The following CHD2 variants were observed in gnomAD, a reference collection of about 807,000 sequenced individuals.
CHD2 encodes chromodomain helicase DNA binding protein 2.
In CHD2, 28 loss-of-function variants were observed where a neutral mutation model predicts 243.9. The ratio of observed to expected loss-of-function variants is 0.11; its 90% CI spans 0.09 to 0.16. The LOEUF (loss-of-function observed/expected upper bound fraction) is 0.16. Among genes scored for constraint, CHD2 ranks in the 10% least tolerant of loss-of-function variants. The pLI is 1.00. For missense variants in CHD2, 1,386 were observed against 2,209.8 expected (o/e 0.63, Z 7.47); for synonymous variants, 775 against 779.0 (o/e 0.99, Z 0.09).
intron 4 of CHD2, among the ~76,000 whole-genome samples, chr15:92,927,621 A>AGCAAGAT (rs2053087751): frequency 1.3e-5 from 2 of 152,222 alleles, no homozygotes; most frequent in African/African-American, 4.8e-5. Context: ...AATTGATTAT[A>AGCAAGAT]TATAGCAAGA....
chr15:92,914,963 ACTGT>A (rs1489852604), intron 2 of CHD2: 2 of 152,216 alleles, frequency 1.3e-5, no homozygotes, highest in African/African-American at 4.8e-5. Context: ...GCCAGCTCAC[ACTGT>A]CTGTCTGGGG....
rs748404114 is a variant in CHD2, at chr15:93,000,482, T to C, written c.4009-30T>C. The C allele has an allele frequency of 9.4e-6, 15 of 1,593,828 alleles. No individual in the cohort carries two copies. The African/African-American group carries it at 1.8e-4, about 19-fold the overall frequency. ...ATGCTTTTGAGTGTCTTGATTTGTA[T>C]TTTAATCATCATTTTCTCTCCTTTT... is the stretch of plus-strand genomic sequence containing the variant. On this transcript the variant is annotated intron_variant, in intron 31 of 38. Coordinates refer to ENST00000394196, the MANE Select transcript of CHD2 (RefSeq NM_001271.4).
In CHD2 at chr15:93,024,879, C is replaced by T. The variant is rs1481813382; in HGVS notation, c.*174C>T. ...ATGGGAGGCCTTTCACTGGGTCCAGCTCTGATTCGGGTCACCACTCCTGCA... is the reference window on the plus strand; with the variant it reads ...ATGGGAGGCCTTTCACTGGGTCCAGTTCTGATTCGGGTCACCACTCCTGCA... On this transcript the variant is annotated 3_prime_UTR_variant, in exon 39 of 39. Coordinates refer to ENST00000394196, the MANE Select transcript of CHD2 (RefSeq NM_001271.4). 4.9e-6 allele frequency: 3 copies of T among 613,176 alleles called. No individual in the cohort carries two copies. The highest frequency in any genetic ancestry group is 8.4e-6 in the Non-Finnish European group (3 of 359,234). The allele number at this position is 613,176 out of a possible 1,614,324, so 38.0% of individuals were successfully genotyped here.
intron 4 of CHD2, among the ~76,000 whole-genome samples, chr15:92,927,871 G>A (rs1481321175): frequency 6.6e-6 from 1 of 152,168 alleles, no homozygotes; most frequent in Non-Finnish European, 1.5e-5. Context: ...GTGAGAGATT[G>A]ATCAGTGATT....
intron 3 of CHD2, 128 bp downstream of exon 3, chr15:92,924,680 A>G (rs1429776973): frequency 1.3e-5 from 9 of 716,344 alleles, no homozygotes; most frequent in Admixed American, 2.3e-5. Context: ...CTAGTAATAT[A>G]CAGTAGTATA....
At position 93,024,807 on chromosome 15, in the gene CHD2, G is replaced by A; in HGVS notation, c.*102G>A. ...ATCTAGACCAGTAAGTGGAGTTTTG[G>A]ACATGCTGCTGCTGTCAACTCACTG... On this transcript the variant is annotated 3_prime_UTR_variant, in exon 39 of 39. Coordinates refer to ENST00000394196, the MANE Select transcript of CHD2 (RefSeq NM_001271.4). 4.0e-6 allele frequency: 4 copies of A among 995,560 alleles called. No individual in the cohort carries two copies. In the South Asian group the frequency reaches 6.7e-5, roughly 17 times the overall value. 61.7% of individuals were successfully genotyped at this position (995,560 alleles called of 1,614,324 possible).
At chr15:92,934,580 A>G (rs1043258278) in intron 5 of CHD2, among the ~76,000 whole-genome samples, 3 of 152,190 alleles carry the variant, frequency 2.0e-5, no homozygotes, top group African/African-American at 7.2e-5. Flanking sequence ...TTTGCATTTT[A>G]TAAGAGGCCA....
intron 5 of CHD2, among the ~76,000 whole-genome samples, chr15:92,937,106 TC>T: frequency 6.6e-6 from 1 of 152,278 alleles, no homozygotes; most frequent in Admixed American, 6.5e-5. Flanking sequence ...CAAGTGAAAC[TC>T]CCACCTTGGC....
intron 35 of CHD2, 24 bp downstream of exon 35, chr15:93,009,347 C>G: frequency 6.2e-7 from 1 of 1,604,588 alleles, no homozygotes; most frequent in Non-Finnish European, 8.5e-7. Context: ...CCTCGTCTGC[C>G]CAGTTTGATT....
At chr15:92,983,828 C>T (rs573590567) in intron 24 of CHD2, among the ~76,000 whole-genome samples, 2 of 152,190 alleles carry the variant, frequency 1.3e-5, no homozygotes, top group African/African-American at 4.8e-5. Context: ...TATGAAATCA[C>T]CACACATCTT....
chr15:92,917,502 G>A (rs756988310), intron 2 of CHD2, among the ~76,000 whole-genome samples: 5 of 152,174 alleles, frequency 3.3e-5, no homozygotes, highest in African/African-American at 9.7e-5. Context: ...CGGAGGTTAC[G>A]GTGAGCCGAG....
At chr15:92,939,270 C>G (rs2141777829) in intron 6 of CHD2, among the ~76,000 whole-genome samples, 1 of 152,250 alleles carries the variant, frequency 6.6e-6, no homozygotes, top group Admixed American at 6.5e-5. Flanking sequence ...GAGATACTAT[C>G]ATGAACAACA....
intron 33 of CHD2, 72 bp from the exon 34 acceptor site, chr15:93,004,545 T>C: frequency 2.1e-6 from 3 of 1,416,144 alleles, no homozygotes; most frequent in Non-Finnish European, 2.8e-6. Flanking sequence ...TAACACAACA[T>C]AGGTAAGAAA....
chr15:93,010,427 T>G (rs1725543659), intron 35 of CHD2, among the ~76,000 whole-genome samples: 1 of 151,752 alleles, frequency 6.6e-6, no homozygotes, highest in Non-Finnish European at 1.5e-5. Flanking sequence ...TTTTTTTTTT[T>G]TTTTAAATGA....
intron 2 of CHD2, 63 bp downstream of exon 2, chr15:92,901,362 A>G (rs1349507904): frequency 1.8e-5 from 17 of 956,186 alleles, no homozygotes; most frequent in Admixed American, 4.1e-5. Flanking sequence ...TCAGCTTACA[A>G]TTGTTTACCT....
At chr15:92,999,079 G>A (rs1355059734) in intron 31 of CHD2, among the ~76,000 whole-genome samples, 7 of 67,096 alleles carry the variant, frequency 1.0e-4, no homozygotes, top group African/African-American at 2.0e-4. Flanking sequence ...GCGAGACTCC[G>A]TCTCAAAAAA....
chr15:93,001,631 C>G lies in CHD2; in HGVS notation c.4138-546C>G, dbSNP rs576175414. 6.8e-4 allele frequency among the ~76,000 whole-genome samples: 104 copies of G among 152,118 alleles called. 1 individual carries two copies. Among genetic ancestry groups the G allele is most frequent in the Middle Eastern group, 3.4e-3 (1 of 294 alleles). Reference sequence around the variant, plus strand: ...TCCTGGGTTCAAGTGATTCTCCTGCCGCAGCCTCCCAAATAGCTAGGATTA... The same window carrying G: ...TCCTGGGTTCAAGTGATTCTCCTGCGGCAGCCTCCCAAATAGCTAGGATTA... On this transcript the variant is annotated intron_variant, in intron 32 of 38. Transcript: ENST00000394196.
chr15:92,929,139 G>C, intron 5 of CHD2, 48 bp downstream of exon 5: 1 of 1,545,622 alleles, frequency 6.5e-7, no homozygotes, highest in Non-Finnish European at 8.8e-7. Context: ...TTTCAAACTT[G>C]TCAGCATTTC....
chr15:93,023,681 G>GT lies in CHD2; in HGVS notation c.5154-682dup, dbSNP rs1043758356. Reference sequence around the variant, plus strand: ...CTTATTTCCTGGGTTTTTTTTTTGTGTTTTTTTTTAATGAGTATCTCCATC... The same window carrying GT: ...CTTATTTCCTGGGTTTTTTTTTTGTGTTTTTTTTTTAATGAGTATCTCCATC... On this transcript the variant is annotated intron_variant, in intron 38 of 38. Transcript: ENST00000394196. Among the ~76,000 whole-genome samples the GT allele has an allele frequency of 3.9e-4, 57 of 147,674 alleles. 1 individual carries two copies. Among genetic ancestry groups the GT allele is most frequent in the South Asian group, 1.3e-3 (6 of 4,688 alleles).
Sources: allele counts gnomAD v4.1 joint callset (sites outside exome capture counted in the v4.1 genomes callset), GRCh38; gene constraint gnomAD v4.1.1; transcripts MANE v1.5; gene names NCBI Gene and HGNC (gene_info 2026-07-23, HGNC 2026-07-21).